NMT2: variants seen among roughly 807,000 people sequenced by gnomAD.
The protein encoded by NMT2 is glycylpeptide N-tetradecanoyltransferase 2.
In NMT2, 35 loss-of-function variants were observed where a neutral mutation model predicts 65.4. The ratio of observed to expected loss-of-function variants is 0.54; its 90% CI spans 0.41 to 0.71. NMT2 has a LOEUF of 0.71. NMT2 is among the 30% of genes least tolerant of loss of function. The pLI is 0.00. For synonymous variants in NMT2, 226 were observed against 231.8 expected, an observed-to-expected ratio of 0.98 and a Z score of 0.23; for missense variants, 489 against 611.3, an observed-to-expected ratio of 0.80 and a Z score of 2.11.
At chr10:15,156,645 T>C (rs1564590617) in intron 1 of NMT2, among the ~76,000 whole-genome samples, 1 of 152,164 alleles carries the variant, frequency 6.6e-6, no homozygotes, top group Non-Finnish European at 1.5e-5. Context: ...ACGCCTGTAA[T>C]CTAAGCACTT....
chr10:15,131,560 C>A lies in NMT2; in HGVS notation c.720-1248G>T, dbSNP rs117077183. 3.4e-3 allele frequency among the ~76,000 whole-genome samples: 516 copies of A among 152,222 alleles called. 3 individuals are homozygous for A. The highest frequency in any genetic ancestry group is 4.5e-3 in the Non-Finnish European group (304 of 68,022). ...GAGTGTGATACAAACCCCTGGGACC[C>A]CTGAGAGGGGCTTTGAGCAGACCAG... On this transcript the variant is annotated intron_variant, in intron 6 of 11. Transcript: ENST00000378165.
intron 2 of NMT2, 71 bp from the exon 3 acceptor site, chr10:15,135,489 G>A (rs930208402): frequency 4.6e-6 from 7 of 1,509,922 alleles, no homozygotes; most frequent in African/African-American, 1.4e-5. Flanking sequence ...AGACGCACGT[G>A]CATCTGCCTC....
In NMT2 at chr10:15,107,315, A is replaced by T. The variant is rs571193318; in HGVS notation, c.*1880T>A. On this transcript the variant is annotated 3_prime_UTR_variant, in exon 12 of 12. Coordinates refer to ENST00000378165, the MANE Select transcript of NMT2 (RefSeq NM_004808.3). ...GGGCTGGATTTAGCCCACAGGCCAT[A>T]GTTTGGTGGCCCCTGCCTGGGATAA... The T allele has an allele frequency of 3.1e-6, 3 of 978,824 alleles. No individual in the cohort carries two copies. Among genetic ancestry groups the T allele is most frequent in the East Asian group, 1.1e-4 (1 of 8,800 alleles). 60.6% of individuals were successfully genotyped at this position (978,824 alleles called of 1,614,324 possible). A position where few individuals can be genotyped will look rare whatever the true frequency, so the allele number is the denominator to read the frequency against.
At chr10:15,112,720 C>T in intron 10 of NMT2, 76 bp downstream of exon 10, 1 of 1,366,846 alleles carries the variant, frequency 7.3e-7, no homozygotes, top group Non-Finnish European at 9.8e-7. Flanking sequence ...TGGAAGAAAA[C>T]ACAGTAAGAT....
At chr10:15,116,065 C>T (rs1262199872) in intron 9 of NMT2, among the ~76,000 whole-genome samples, 1 of 152,188 alleles carries the variant, frequency 6.6e-6, no homozygotes, top group Non-Finnish European at 1.5e-5. Flanking sequence ...AGCTGAATAA[C>T]TCAATTAATC....
intron 9 of NMT2, among the ~76,000 whole-genome samples, chr10:15,116,932 A>G (rs1040521430): frequency 6.6e-6 from 1 of 152,240 alleles, no homozygotes; most frequent in African/African-American, 2.4e-5. Context: ...AAAACTCCCA[A>G]AAAAGAAACA....
rs1846169194 is a variant in NMT2 at position 15,128,408 on chromosome 10, G to A, written c.941C>T (p.Ser314Phe). The A allele has an allele frequency of 6.2e-7, 1 of 1,611,176 alleles. No homozygotes were observed. Among genetic ancestry groups the A allele is most frequent in the South Asian group, 1.1e-5 (1 of 91,004 alleles). The change falls in exon 8 of 12, where the codon TCT becomes TTT. Residue 314 changes from serine (S) to phenylalanine (F), a missense_variant. Physicochemically the swap from Ser to Phe is radical, Grantham distance 155. Transcript: ENST00000378165. ...NPRKLVEVKF[S>F]HLSRNMTLQR... ...TAAAGTCATATTTCTACTCAAGTGA[G>A]AAAATTTCACTTCTACCAATTTTCT... is the stretch of plus-strand genomic sequence containing the variant.
At chr10:15,123,793 A>G (rs983885790) in intron 8 of NMT2, among the ~76,000 whole-genome samples, 17 of 152,154 alleles carry the variant, frequency 1.1e-4, no homozygotes, top group Non-Finnish European at 1.9e-4. Context: ...CCATGGCCCA[A>G]CTAATATGCA....
intron 8 of NMT2, among the ~76,000 whole-genome samples, chr10:15,127,180 A>T (rs534576998): frequency 3.2e-4 from 48 of 152,136 alleles, no homozygotes; most frequent in African/African-American, 9.4e-4. Context: ...GGTTGCAGTG[A>T]GCCAACATCC....
rs910970462 is a variant in NMT2 at position 15,106,500 on chromosome 10, A to G, written c.*2695T>C. ...CCTGTTAAGAAAGAACGCTAATGCA[A>G]TTAGGGTGGAACCATCTGAAATTCC... On this transcript the variant is annotated 3_prime_UTR_variant, in exon 12 of 12. Coordinates refer to ENST00000378165, the MANE Select transcript of NMT2 (RefSeq NM_004808.3). 1.6e-5 allele frequency: 4 copies of G among 254,558 alleles called. No homozygotes were observed. Among genetic ancestry groups the G allele is most frequent in the African/African-American group, 4.6e-5 (2 of 43,344 alleles). 15.8% of individuals were successfully genotyped at this position (254,558 alleles called of 1,614,324 possible).
At position 15,138,452 on chromosome 10, in the gene NMT2, G is replaced by A. The variant is rs17156350; in HGVS notation, c.246+2970C>T. 1,194 of 471,154 alleles carry A rather than the reference G, an allele frequency of 2.5e-3. 45 individuals carry two copies. In the East Asian group the frequency reaches 0.065, roughly 26 times the overall value. 29.2% of individuals were successfully genotyped at this position (471,154 alleles called of 1,614,324 possible). ...CATAGTAGCACTACCTGGGAAGAAT[G>A]AGTGTGCATCAGGCAAGGTGAGATG... is the stretch of plus-strand genomic sequence containing the variant. On this transcript the variant is annotated intron_variant, in intron 2 of 11. Coordinates refer to ENST00000378165, the MANE Select transcript of NMT2 (RefSeq NM_004808.3).
chr10:15,141,247 T>C (rs1230534452), intron 2 of NMT2, 175 bp downstream of exon 2: 1 of 887,824 alleles, frequency 1.1e-6, no homozygotes, highest in Non-Finnish European at 1.7e-6. Context: ...CCCTTCGTTA[T>C]TTGGGTGCCA....
intron 1 of NMT2, among the ~76,000 whole-genome samples, chr10:15,164,495 C>T (rs1268596005): frequency 1.3e-5 from 2 of 152,140 alleles, no homozygotes; most frequent in African/African-American, 4.8e-5. Flanking sequence ...AACAATGGAC[C>T]ATAACATTAG....
chr10:15,135,721 G>C (rs1490718306), intron 2 of NMT2, among the ~76,000 whole-genome samples: 1 of 152,132 alleles, frequency 6.6e-6, no homozygotes, highest in African/African-American at 2.4e-5. Context: ...TCCTCTGGGG[G>C]AGACGTGCAG....
chr10:15,153,480 G>A (rs574991155), intron 1 of NMT2, among the ~76,000 whole-genome samples: 29 of 152,294 alleles, frequency 1.9e-4, no homozygotes, highest in South Asian at 1.0e-3. Context: ...GAAGTTCAGC[G>A]CAGGGAGAAT....
chr10:15,150,991 T>C (rs1832782319), intron 1 of NMT2, among the ~76,000 whole-genome samples: 1 of 152,212 alleles, frequency 6.6e-6, no homozygotes, highest in African/African-American at 2.4e-5. Context: ...GCTCCAAGTT[T>C]TTGGTTCTCC....
chr10:15,130,485 T>C (rs747314142), intron 6 of NMT2, among the ~76,000 whole-genome samples, 173 bp from the exon 7 acceptor site: 18 of 151,966 alleles, frequency 1.2e-4, no homozygotes, highest in East Asian at 1.9e-4. Context: ...GGCAGGTGGA[T>C]TGCTTGAGAC....
intron 2 of NMT2, chr10:15,138,399 C>T (rs1564576740): frequency 4.2e-6 from 2 of 471,160 alleles, no homozygotes; most frequent in East Asian, 6.9e-5. Context: ...CAGCTATGAT[C>T]ATTTCTCATG....
chr10:15,140,414 G>A (rs1846707364), intron 2 of NMT2, among the ~76,000 whole-genome samples: 1 of 151,986 alleles, frequency 6.6e-6, no homozygotes, highest in South Asian at 2.1e-4. Flanking sequence ...ATGAGCCATC[G>A]TGCCCAGCCT....
Sources: gnomAD v4.1 joint callset for allele counts (sites outside exome capture counted in the v4.1 genomes callset) on GRCh38, gnomAD v4.1.1 for gene constraint, MANE v1.5 for transcripts, NCBI Gene and HGNC (gene_info 2026-07-23, HGNC 2026-07-21) for gene names.